Variants in VAC14 observed in about 807,000 individuals in gnomAD.
VAC14 encodes the protein VAC14 component of PIKFYVE complex.
VAC14 carries 47 observed loss-of-function variants against 85.3 expected under a neutral mutation model. The observed-to-expected ratio is 0.55, with a 90% CI of 0.44 to 0.70. VAC14 has a LOEUF of 0.70. VAC14 is among the 30% of genes least tolerant of loss of function. VAC14 has a pLI of 0.00. For missense variants in VAC14, 861 were observed against 1,004.3 expected (o/e 0.86, Z 1.93); for synonymous variants, 447 against 430.5 (o/e 1.04, Z -0.47).
At chr16:70,783,252 T>C in intron 6 of VAC14, 113 bp from the exon 7 acceptor site, 1 of 1,214,764 alleles carries the variant, frequency 8.2e-7, no homozygotes, top group East Asian at 2.3e-5. Flanking sequence ...GCTTGGCTTT[T>C]GGACTTGTCA....
chr16:70,725,887 C>T (rs1479803602), intron 14 of VAC14, among the ~76,000 whole-genome samples: 5 of 152,246 alleles, frequency 3.3e-5, no homozygotes, highest in African/African-American at 9.6e-5. Flanking sequence ...CTGGCATTCA[C>T]CGCATACAGT....
intron 14 of VAC14, among the ~76,000 whole-genome samples, chr16:70,726,964 C>A (rs570624734): frequency 6.6e-6 from 1 of 152,176 alleles, no homozygotes; most frequent in Non-Finnish European, 1.5e-5. Flanking sequence ...CATGGAGGTG[C>A]GGCCTGGGAA....
At chr16:70,719,664 A>G (rs1162083692) in intron 14 of VAC14, among the ~76,000 whole-genome samples, 1 of 152,234 alleles carries the variant, frequency 6.6e-6, no homozygotes, top group South Asian at 2.1e-4. Context: ...TATTAAAACC[A>G]CAAGATGATA....
At chr16:70,746,512 C>A (rs867495167) in intron 12 of VAC14, among the ~76,000 whole-genome samples, 23 of 152,328 alleles carry the variant, frequency 1.5e-4, no homozygotes, top group African/African-American at 5.1e-4. Flanking sequence ...ATCCACGTGG[C>A]TGAGACACAT....
chr16:70,731,732 T>C, intron 13 of VAC14, 105 bp from the exon 14 acceptor site: 2 of 1,252,824 alleles, frequency 1.6e-6, no homozygotes, highest in South Asian at 1.9e-5. Flanking sequence ...AAGATGTGTG[T>C]GGGGGGTGTT....
chr16:70,788,611 C>A (rs1236027236), intron 1 of VAC14, among the ~76,000 whole-genome samples: 1 of 152,178 alleles, frequency 6.6e-6, no homozygotes, highest in East Asian at 1.9e-4. Context: ...CAGGTGAGAC[C>A]CAATCATCTG....
At chr16:70,708,398 C>T (rs1009889008) in intron 14 of VAC14, among the ~76,000 whole-genome samples, 1 of 152,162 alleles carries the variant, frequency 6.6e-6, no homozygotes, top group Non-Finnish European at 1.5e-5. Context: ...TTACTTTGGC[C>T]GTGGGGCTGG....
chr16:70,754,475 T>C (rs2031663033), intron 12 of VAC14, among the ~76,000 whole-genome samples: 1 of 152,168 alleles, frequency 6.6e-6, no homozygotes, highest in East Asian at 1.9e-4. Flanking sequence ...TCTAGCTGCT[T>C]TGCTGGCTGG....
At chr16:70,793,988 T>G (rs1439641322) in intron 1 of VAC14, among the ~76,000 whole-genome samples, 1 of 152,096 alleles carries the variant, frequency 6.6e-6, no homozygotes, top group East Asian at 1.9e-4. Context: ...GAGCATACAG[T>G]GGATCCAACC....
chr16:70,772,108 C>A lies in VAC14; in HGVS notation c.1160+1G>T, dbSNP rs1298210095. 2 of 1,613,836 alleles carry A rather than the reference C, an allele frequency of 1.2e-6. No homozygotes were observed. The highest frequency in any genetic ancestry group is 1.7e-6 in the Non-Finnish European group (2 of 1,179,934). ...CCTTCTGGCTGAAACAAGCCACTTA[C>A]CTGGCTGCAGTGAAGACACTGATGC... On this transcript the variant is annotated splice_donor_variant, in intron 10 of 18. Transcript: ENST00000261776. LOFTEE classifies it high-confidence loss of function.
At chr16:70,783,260 T>C in intron 6 of VAC14, 121 bp from the exon 7 acceptor site, 1 of 1,135,468 alleles carries the variant, frequency 8.8e-7, no homozygotes, top group Admixed American at 2.1e-5. Context: ...TTTGGACTTG[T>C]CAGGTGATCA....
At chr16:70,691,929 C>T (rs1416188999) in intron 18 of VAC14, 6 of 985,236 alleles carry the variant, frequency 6.1e-6, no homozygotes, top group Non-Finnish European at 7.2e-6. Context: ...AGGCGCCAGG[C>T]CTGCTGAGTG....
intron 12 of VAC14, among the ~76,000 whole-genome samples, chr16:70,746,018 A>T (rs1012555741): frequency 1.3e-5 from 2 of 152,240 alleles, no homozygotes; most frequent in Non-Finnish European, 2.9e-5. Flanking sequence ...GTATATTAAA[A>T]GCCAGTGAAT....
intron 15 of VAC14, among the ~76,000 whole-genome samples, chr16:70,698,004 G>A (rs1055902585): frequency 6.6e-5 from 10 of 152,248 alleles, no homozygotes; most frequent in South Asian, 2.1e-4. Flanking sequence ...GCCGGGACAC[G>A]AGAGGCCTGG....
intron 6 of VAC14, 40 bp downstream of exon 6, chr16:70,783,378 CATGAAGCACATGGGCACAGCTGGGGGT>C (rs2143259930): frequency 6.6e-7 from 1 of 1,515,388 alleles, no homozygotes; most frequent in Non-Finnish European, 9.2e-7. Context: ...TCTCTGTGGG[CATGAAGCACATGGGCACAGCTGGGGGT>C]GGCAGGAGGC....
At position 70,781,925 on chromosome 16, in the gene VAC14, G is replaced by C; in HGVS notation, c.890C>G (p.Ser297Cys). 6.2e-7 allele frequency: 1 copy of C among 1,614,168 alleles called. No individual in the cohort carries two copies. Among genetic ancestry groups the C allele is most frequent in the Non-Finnish European group, 8.5e-7 (1 of 1,180,038 alleles). The change falls in exon 8 of 19, where the codon TCC becomes TGC. Residue 297 changes from serine (S) to cysteine (C), a missense_variant. Transcript: ENST00000261776. ...CAAGACAGCAGTCAGGATCCCGGAG[G>C]AGTAAGGCAGCATGACGCGGCCCGC... ...QLAGRVMLPY[S>C]SGILTAVLPC...
chr16:70,721,111 G>A (rs1402310072), intron 14 of VAC14, among the ~76,000 whole-genome samples: 2 of 152,232 alleles, frequency 1.3e-5, no homozygotes, highest in Non-Finnish European at 2.9e-5. Context: ...ATTCAGACCT[G>A]GAGAGATGTT....
chr16:70,696,898 A>T (rs1302929221), intron 16 of VAC14: 3 of 449,822 alleles, frequency 6.7e-6, no homozygotes, highest in African/African-American at 6.0e-5. Context: ...CCCAACCCAC[A>T]GGGTTTCTCC....
At chr16:70,791,314 C>T (rs2034328294) in intron 1 of VAC14, among the ~76,000 whole-genome samples, 1 of 152,256 alleles carries the variant, frequency 6.6e-6, no homozygotes, top group African/African-American at 2.4e-5. Context: ...ATTCTGTGCC[C>T]AGCAACATGT....
Sources: gnomAD v4.1 joint callset for allele counts (sites outside exome capture counted in the v4.1 genomes callset) on GRCh38, gnomAD v4.1.1 for gene constraint, MANE v1.5 for transcripts, NCBI Gene and HGNC (gene_info 2026-07-23, HGNC 2026-07-21) for gene names.